Variants in ANKRD6 observed in about 807,000 individuals in gnomAD.
ANKRD6 encodes the protein ankyrin repeat domain 6.
In ANKRD6, 56 loss-of-function variants were observed where a neutral mutation model predicts 82.3. The ratio of observed to expected loss-of-function variants is 0.68; its 90% CI spans 0.55 to 0.85. ANKRD6 has a LOEUF of 0.85. ANKRD6 is among the 40% of genes least tolerant of loss of function. ANKRD6 has a pLI of 0.00. For synonymous variants in ANKRD6, 347 were observed against 352.1 expected (o/e 0.99, Z 0.16); for missense variants, 852 against 907.6 (o/e 0.94, Z 0.79).
intron 1 of ANKRD6, among the ~76,000 whole-genome samples, chr6:89,439,240 C>T (rs937213471): frequency 6.6e-6 from 1 of 152,046 alleles, no homozygotes. Flanking sequence ...TAGCAAAGAA[C>T]AAGAATATGC....
At chr6:89,514,348 A>C (rs183102334) in intron 1 of ANKRD6, among the ~76,000 whole-genome samples, 1 of 152,224 alleles carries the variant, frequency 6.6e-6, no homozygotes, top group East Asian at 1.9e-4. Flanking sequence ...ACTGCACTCC[A>C]GTTTGGGTTA....
chr6:89,528,959 A>T (rs540557768), intron 1 of ANKRD6, among the ~76,000 whole-genome samples: 1 of 152,366 alleles, frequency 6.6e-6, no homozygotes, highest in African/African-American at 2.4e-5. Context: ...ATGTGCTGTC[A>T]TCTGGCCTTT....
intron 2 of ANKRD6, among the ~76,000 whole-genome samples, chr6:89,575,732 G>T (rs117788566): frequency 4.3e-4 from 66 of 152,260 alleles, no homozygotes; most frequent in Non-Finnish European, 9.0e-4. Context: ...AGGAAATGAG[G>T]TCACAGAAGG....
intron 1 of ANKRD6, chr6:89,561,429 G>C (rs757458657): frequency 6.6e-6 from 1 of 152,226 alleles, no homozygotes; most frequent in Non-Finnish European, 1.5e-5. Flanking sequence ...TGGGCACCAG[G>C]TTCCGTGAGC....
At chr6:89,472,076 G>T (rs1397919849) in intron 1 of ANKRD6, among the ~76,000 whole-genome samples, 1 of 151,890 alleles carries the variant, frequency 6.6e-6, no homozygotes, top group Admixed American at 6.6e-5. Flanking sequence ...GCAATCTTTG[G>T]CGTTCCCTAG....
chr6:89,471,359 C>CAAAAA (rs568718441), intron 1 of ANKRD6, among the ~76,000 whole-genome samples: 35 of 57,034 alleles, frequency 6.1e-4, no homozygotes, highest in Non-Finnish European at 7.6e-4. Flanking sequence ...ACAACAACAA[C>CAAAAA]AAAAAAAAAA....
At chr6:89,475,745 CCA>C (rs1775965976) in intron 1 of ANKRD6, among the ~76,000 whole-genome samples, 2 of 152,120 alleles carry the variant, frequency 1.3e-5, no homozygotes, top group Admixed American at 1.3e-4. Context: ...GGACAGATTC[CCA>C]GATGTGGAAA....
chr6:89,533,727 AGTGTGTGTGTGTGT>A (rs59064465), intron 1 of ANKRD6, among the ~76,000 whole-genome samples: 22 of 142,116 alleles, frequency 1.5e-4, no homozygotes, highest in Middle Eastern at 3.5e-3. Context: ...AGAGAAAATG[AGTGTGTGTGTGTGT>A]GTGTGTGTGT....
In ANKRD6 at chr6:89,555,548, G is replaced by C. The variant is rs111689767; in HGVS notation, c.-143-11286G>C. 8.2e-3 allele frequency among the ~76,000 whole-genome samples: 1,253 copies of C among 152,200 alleles called. 24 individuals carry two copies. Among genetic ancestry groups the C allele is most frequent in the African/African-American group, 0.029 (1,210 of 41,510 alleles). On this transcript the variant is annotated intron_variant, in intron 1 of 15. Transcript: ENST00000339746. ...TTCACCCTTGGGACCCTGGAGGTTGGAAGAGTATTAGGAGAACCTTTAAGA... is the reference window on the plus strand; with the variant it reads ...TTCACCCTTGGGACCCTGGAGGTTGCAAGAGTATTAGGAGAACCTTTAAGA...
At chr6:89,447,636 A>G (rs1350064657) in intron 1 of ANKRD6, among the ~76,000 whole-genome samples, 6 of 152,246 alleles carry the variant, frequency 3.9e-5, no homozygotes, top group Admixed American at 2.0e-4. Context: ...TAGATTTTCA[A>G]TGTGGATGAA....
intron 5 of ANKRD6, among the ~76,000 whole-genome samples, chr6:89,611,259 A>C (rs1304716431): frequency 6.6e-6 from 1 of 151,930 alleles, no homozygotes; most frequent in African/African-American, 2.4e-5. Flanking sequence ...TGAGATCCAG[A>C]AGGGTGTGAA....
chr6:89,536,078 A>G (rs923965660), intron 1 of ANKRD6, among the ~76,000 whole-genome samples: 2 of 152,174 alleles, frequency 1.3e-5, no homozygotes, highest in Admixed American at 6.5e-5. Flanking sequence ...TAAAATACCA[A>G]AATTAGCCGG....
chr6:89,511,569 T>C (rs1780554672), intron 1 of ANKRD6, among the ~76,000 whole-genome samples: 2 of 152,200 alleles, frequency 1.3e-5, no homozygotes, highest in Admixed American at 1.3e-4. Context: ...ACTAAACCTT[T>C]TTGAGCCTTT....
rs537275182 is a variant in ANKRD6, at chr6:89,610,274, C to T, written c.418-1998C>T. 5.3e-5 allele frequency among the ~76,000 whole-genome samples: 8 copies of T among 152,274 alleles called. No individual in the cohort carries two copies. The South Asian group carries it at 1.7e-3, about 32-fold the overall frequency. On this transcript the variant is annotated intron_variant, in intron 5 of 15. Coordinates refer to ENST00000339746, the MANE Select transcript of ANKRD6 (RefSeq NM_001242809.2). ...CGCCCTCTGGTGGCAGGCCCCCAGT[C>T]ACCCTCTCCCAGCCCCGGGCAACCA...
At chr6:89,537,899 A>T (rs927644000) in intron 1 of ANKRD6, among the ~76,000 whole-genome samples, 2 of 149,892 alleles carry the variant, frequency 1.3e-5, no homozygotes, top group South Asian at 4.2e-4. Context: ...AAAAAAAAAA[A>T]AGAAAAGAAA....
At chr6:89,480,290 A>G (rs1001524523) in intron 1 of ANKRD6, among the ~76,000 whole-genome samples, 1 of 152,176 alleles carries the variant, frequency 6.6e-6, no homozygotes, top group African/African-American at 2.4e-5. Flanking sequence ...TCAAAATCCC[A>G]TTTATGTTGG....
intron 1 of ANKRD6, among the ~76,000 whole-genome samples, chr6:89,471,939 C>CAA (rs749607605): frequency 0.032 from 1,647 of 51,900 alleles, 121 homozygotes; most frequent in Non-Finnish European, 0.037. Flanking sequence ...AACTCCATCT[C>CAA]AAAAAAAAAA....
chr6:89,513,871 C>G (rs941628459), intron 1 of ANKRD6, among the ~76,000 whole-genome samples: 3 of 152,174 alleles, frequency 2.0e-5, no homozygotes, highest in African/African-American at 7.2e-5. Context: ...ATTCAGAATG[C>G]GTTCACTATT....
intron 1 of ANKRD6, among the ~76,000 whole-genome samples, chr6:89,547,797 C>G (rs572990573): frequency 6.6e-6 from 1 of 152,254 alleles, no homozygotes; most frequent in Non-Finnish European, 1.5e-5. Context: ...CAGCTGCTAC[C>G]ATTTCTGTCA....
Sources: allele counts gnomAD v4.1 joint callset (sites outside exome capture counted in the v4.1 genomes callset), GRCh38; gene constraint gnomAD v4.1.1; transcripts MANE v1.5; gene names NCBI Gene and HGNC (gene_info 2026-07-23, HGNC 2026-07-21).